Variants in ZBTB16 observed in about 807,000 individuals in gnomAD.
ZBTB16 encodes the protein zinc finger and BTB domain containing 16, also known as zinc finger and BTB domain-containing protein 16.
Under a neutral mutation model 56.8 loss-of-function variants are expected in ZBTB16, and 8 were observed. The ratio of observed to expected loss-of-function variants is 0.14; its 90% CI spans 0.08 to 0.25. The LOEUF (loss-of-function observed/expected upper bound fraction) is 0.25. ZBTB16 is among the 10% of genes least tolerant of loss of function. ZBTB16 has a pLI of 1.00. For missense variants in ZBTB16, 625 were observed against 903.0 expected (o/e 0.69, Z 3.95); for synonymous variants, 363 against 368.5 (o/e 0.98, Z 0.17).
intron 2 of ZBTB16, among the ~76,000 whole-genome samples, chr11:114,141,757 A>G (rs751004656): frequency 6.6e-6 from 1 of 152,228 alleles, no homozygotes; most frequent in Non-Finnish European, 1.5e-5. Flanking sequence ...GCCACTTACA[A>G]GCTTAACGAC....
intron 2 of ZBTB16, among the ~76,000 whole-genome samples, chr11:114,103,038 A>G (rs1384737691): frequency 6.6e-6 from 1 of 152,198 alleles, no homozygotes; most frequent in East Asian, 1.9e-4. Flanking sequence ...GAAGGCAAAC[A>G]TTACTGTATC....
intron 4 of ZBTB16, among the ~76,000 whole-genome samples, chr11:114,218,972 A>G (rs1944167028): frequency 6.6e-6 from 1 of 152,190 alleles, no homozygotes; most frequent in Non-Finnish European, 1.5e-5. Flanking sequence ...TCTTTTGCTC[A>G]TCACCATCAA....
intron 3 of ZBTB16, among the ~76,000 whole-genome samples, chr11:114,157,212 T>C (rs982707122): frequency 3.9e-5 from 6 of 152,202 alleles, no homozygotes; most frequent in African/African-American, 1.4e-4. Flanking sequence ...CTGCCTCTCC[T>C]TTCCCCATAT....
chr11:114,121,031 T>C (rs1941327769), intron 2 of ZBTB16, among the ~76,000 whole-genome samples: 1 of 152,196 alleles, frequency 6.6e-6, no homozygotes. Flanking sequence ...TCAGGGATGC[T>C]CACTTGCAGT....
chr11:114,156,490 C>G (rs1386246124), intron 3 of ZBTB16, 56 bp downstream of exon 3: 11 of 1,536,666 alleles, frequency 7.2e-6, no homozygotes, highest in South Asian at 1.1e-5. Flanking sequence ...CTCCTGCTTG[C>G]CTTTACCCCT....
intron 3 of ZBTB16, among the ~76,000 whole-genome samples, chr11:114,173,684 G>A (rs1943031829): frequency 6.6e-6 from 1 of 152,236 alleles, no homozygotes; most frequent in Admixed American, 6.5e-5. Context: ...GGGAAGAGCA[G>A]AGGCCTTTAC....
At chr11:114,118,176 G>T (rs1350978351) in intron 2 of ZBTB16, among the ~76,000 whole-genome samples, 1 of 152,174 alleles carries the variant, frequency 6.6e-6, no homozygotes, top group East Asian at 1.9e-4. Context: ...AGGTGTTTTT[G>T]ATTTTTGTTG....
At chr11:114,205,405 G>C (rs1943841782) in intron 4 of ZBTB16, among the ~76,000 whole-genome samples, 2 of 147,540 alleles carry the variant, frequency 1.4e-5, no homozygotes, top group African/African-American at 2.5e-5. Context: ...GTGAGACTCC[G>C]TCTCAAAAAA....
intron 4 of ZBTB16, chr11:114,210,782 A>G: frequency 1.4e-5 from 3 of 218,578 alleles, no homozygotes; most frequent in Non-Finnish European, 2.8e-5. Flanking sequence ...AAGGTGGGTT[A>G]AAGGACAGAG....
chr11:114,229,183 TA>T (rs1944389129), intron 4 of ZBTB16, among the ~76,000 whole-genome samples: 1 of 152,166 alleles, frequency 6.6e-6, no homozygotes, highest in South Asian at 2.1e-4. Flanking sequence ...TCAATAGGAG[TA>T]ACAAATGGTT....
intron 2 of ZBTB16, among the ~76,000 whole-genome samples, chr11:114,078,995 CCA>C (rs1357591116): frequency 6.6e-6 from 1 of 151,258 alleles, no homozygotes; most frequent in African/African-American, 2.4e-5. Flanking sequence ...GCCTGTAATC[CCA>C]GCTAGTCGGG....
intron 4 of ZBTB16, among the ~76,000 whole-genome samples, chr11:114,208,942 C>A (rs1005162116): frequency 1.3e-5 from 2 of 152,184 alleles, no homozygotes; most frequent in East Asian, 1.9e-4. Context: ...ACAGGCAAAC[C>A]ATTCCAGATC....
At chr11:114,065,605 G>A (rs544552675) in intron 2 of ZBTB16, among the ~76,000 whole-genome samples, 2 of 152,264 alleles carry the variant, frequency 1.3e-5, no homozygotes, top group South Asian at 2.1e-4. Context: ...TAGTAGAGAC[G>A]GGCTTTCACC....
intron 3 of ZBTB16, among the ~76,000 whole-genome samples, chr11:114,164,417 ATCTG>A: frequency 6.6e-6 from 1 of 152,310 alleles, no homozygotes; most frequent in East Asian, 1.9e-4. Flanking sequence ...ATGCTGGGAC[ATCTG>A]TCTGTCTGCC....
intron 4 of ZBTB16, among the ~76,000 whole-genome samples, chr11:114,215,889 T>G (rs1332961526): frequency 6.6e-6 from 1 of 152,146 alleles, no homozygotes; most frequent in Non-Finnish European, 1.5e-5. Context: ...TCTGCAATAG[T>G]CAGGGGCAGG....
intron 3 of ZBTB16, among the ~76,000 whole-genome samples, chr11:114,159,198 G>A (rs778693347): frequency 5.9e-5 from 9 of 152,266 alleles, no homozygotes; most frequent in Non-Finnish European, 1.2e-4. Context: ...CCCTGGGGAA[G>A]CTGACTTTGG....
At position 114,156,360 on chromosome 11, in the gene ZBTB16, C is replaced by T. The variant is rs1315113990; in HGVS notation, c.1292C>T (p.Thr431Met). The T allele has an allele frequency of 9.9e-6, 16 of 1,614,112 alleles. No individual in the cohort carries two copies. The highest frequency in any genetic ancestry group is 4.5e-5 in the East Asian group (2 of 44,896). Residue 431 changes from threonine (T) to methionine (M), a missense_variant, in exon 3 of 7, where the codon ACG becomes ATG. Physicochemically the swap from Thr to Met is moderately conservative, Grantham distance 81. Coordinates refer to ENST00000335953, the MANE Select transcript of ZBTB16 (RefSeq NM_006006.6). ...QHRKLHSGMK[T>M]YGCELCGKRF... ...AGGAAGCTGCACAGTGGGATGAAGA[C>T]GTACGGGTGCGAGCTCTGCGGGAAG...
intron 4 of ZBTB16, among the ~76,000 whole-genome samples, chr11:114,208,683 T>G (rs1412692288): frequency 1.3e-5 from 2 of 152,188 alleles, no homozygotes; most frequent in African/African-American, 2.4e-5. Flanking sequence ...TTCCGTTGGC[T>G]TCTTTTATCT....
intron 2 of ZBTB16, among the ~76,000 whole-genome samples, chr11:114,117,498 G>A (rs1941207858): frequency 1.3e-5 from 2 of 151,688 alleles, no homozygotes; most frequent in African/African-American, 4.8e-5. Context: ...AGAGGGAAGG[G>A]CACATTGTAG....
Sources: gnomAD v4.1 joint callset for allele counts (sites outside exome capture counted in the v4.1 genomes callset) on GRCh38, gnomAD v4.1.1 for gene constraint, MANE v1.5 for transcripts, NCBI Gene and HGNC (gene_info 2026-07-23, HGNC 2026-07-21) for gene names.